AFG2A: variants seen among roughly 807,000 people sequenced by gnomAD.
AFG2A encodes the protein ATPase family gene 2 protein homolog A.
chr4:122,947,628 A>G, the AFG2A span: 1 of 1,129,516 alleles, frequency 8.9e-7, no homozygotes, highest in Non-Finnish European at 1.2e-6. Context: ...TTTATTTGAA[A>G]AAATTTTTAT....
the AFG2A span, among the ~76,000 whole-genome samples, chr4:123,210,569 T>G: frequency 6.6e-6 from 1 of 152,206 alleles, no homozygotes; most frequent in Non-Finnish European, 1.5e-5. Context: ...GCACATTTTC[T>G]TTATCCGTTC....
the AFG2A span, among the ~76,000 whole-genome samples, chr4:123,189,809 C>CTTTTTTTTTTTTTT: frequency 4.9e-5 from 3 of 61,776 alleles, 1 homozygote; most frequent in African/African-American, 2.0e-4. Context: ...AGGTCATTTG[C>CTTTTTTTTTTTTTT]TTTTTTTTTT....
the AFG2A span, among the ~76,000 whole-genome samples, chr4:123,121,127 TAATA>T: frequency 6.6e-6 from 1 of 150,634 alleles, no homozygotes; most frequent in Non-Finnish European, 1.5e-5. Flanking sequence ...AAAAGTAAAA[TAATA>T]AATAAAATTT....
chr4:122,980,196 A>G, the AFG2A span, among the ~76,000 whole-genome samples: 1 of 152,200 alleles, frequency 6.6e-6, no homozygotes, highest in Non-Finnish European at 1.5e-5. Flanking sequence ...CATACTGTAT[A>G]CAACCTTTTG....
At chr4:123,285,429 A>G in the AFG2A span, among the ~76,000 whole-genome samples, 3 of 152,080 alleles carry the variant, frequency 2.0e-5, no homozygotes, top group Non-Finnish European at 2.9e-5. Context: ...GAGACACTTC[A>G]GGAGAACTCA....
At chr4:123,085,322 G>A in the AFG2A span, among the ~76,000 whole-genome samples, 9 of 152,142 alleles carry the variant, frequency 5.9e-5, no homozygotes, top group African/African-American at 1.7e-4. Context: ...CTATAATAGC[G>A]TATTCATCTG....
chr4:123,210,699 T>C, the AFG2A span, among the ~76,000 whole-genome samples: 5 of 152,312 alleles, frequency 3.3e-5, no homozygotes, highest in East Asian at 9.7e-4. Flanking sequence ...CTTTTAGATA[T>C]ATACCCAGCA....
the AFG2A span, among the ~76,000 whole-genome samples, chr4:123,225,084 T>G: frequency 6.6e-6 from 1 of 152,236 alleles, no homozygotes; most frequent in Non-Finnish European, 1.5e-5. Context: ...TAAATTTGTT[T>G]GAGTTCATTG....
the AFG2A span, among the ~76,000 whole-genome samples, chr4:123,287,511 A>G: frequency 3.3e-5 from 5 of 152,224 alleles, no homozygotes; most frequent in African/African-American, 4.8e-5. Flanking sequence ...ACATTCGGTT[A>G]AAAACCAACT....
At chr4:123,254,800 A>C in the AFG2A span, among the ~76,000 whole-genome samples, 1 of 152,298 alleles carries the variant, frequency 6.6e-6, no homozygotes, top group African/African-American at 2.4e-5. Context: ...TGAATCCATT[A>C]GTTGTAAAAT....
At chr4:123,013,880 C>T in the AFG2A span, among the ~76,000 whole-genome samples, 2 of 152,182 alleles carry the variant, frequency 1.3e-5, no homozygotes, top group African/African-American at 4.8e-5. Flanking sequence ...CCTAGTCATA[C>T]ACACATATAG....
chr4:123,083,704 GTTAGA>G, the AFG2A span, among the ~76,000 whole-genome samples: 2 of 151,182 alleles, frequency 1.3e-5, no homozygotes, highest in Non-Finnish European at 2.9e-5. Flanking sequence ...TTTACATGTT[GTTAGA>G]TTTGATTTGG....
the AFG2A span, among the ~76,000 whole-genome samples, chr4:123,126,532 A>G: frequency 6.6e-6 from 1 of 152,168 alleles, no homozygotes; most frequent in Admixed American, 6.5e-5. Flanking sequence ...TATAGTTCCC[A>G]TAATCCCCAC....
the AFG2A span, among the ~76,000 whole-genome samples, chr4:123,297,445 G>A: frequency 1.3e-5 from 2 of 152,190 alleles, no homozygotes; most frequent in African/African-American, 4.8e-5. Context: ...CTAGAGGCCG[G>A]GTGTGGTGGC....
At chr4:122,930,369 A>G in the AFG2A span, among the ~76,000 whole-genome samples, 1 of 151,858 alleles carries the variant, frequency 6.6e-6, no homozygotes, top group East Asian at 1.9e-4. Flanking sequence ...AGTTTGGGGG[A>G]TGTGTTTACA....
At chr4:123,064,049 A>G in the AFG2A span, among the ~76,000 whole-genome samples, 1 of 152,178 alleles carries the variant, frequency 6.6e-6, no homozygotes, top group African/African-American at 2.4e-5. Flanking sequence ...ATTATAACCA[A>G]TATTTTATCT....
the AFG2A span, among the ~76,000 whole-genome samples, chr4:123,122,771 C>CT: frequency 6.9e-6 from 1 of 145,096 alleles, no homozygotes; most frequent in African/African-American, 2.5e-5. Context: ...GCCATGTCAT[C>CT]TGTTTTTTTG....
the AFG2A span, among the ~76,000 whole-genome samples, chr4:123,261,404 C>CA: frequency 2.0e-5 from 3 of 151,996 alleles, no homozygotes; most frequent in African/African-American, 7.3e-5. Flanking sequence ...AAAAAAGCAA[C>CA]AAAAAATAAC....
the AFG2A span, among the ~76,000 whole-genome samples, chr4:123,108,513 A>G: frequency 6.6e-6 from 1 of 152,170 alleles, no homozygotes; most frequent in African/African-American, 2.4e-5. Flanking sequence ...ATGCCAGTAC[A>G]ATTTATGGCC....
Sources: gnomAD v4.1 joint callset for allele counts (sites outside exome capture counted in the v4.1 genomes callset) on GRCh38, gnomAD v4.1.1 for gene constraint, MANE v1.5 for transcripts, NCBI Gene and HGNC (gene_info 2026-07-23, HGNC 2026-07-21) for gene names.